Variants in GPR39 observed in about 807,000 individuals in gnomAD.
GPR39 encodes the protein zinc sensing receptor.
A neutral mutation model predicts 18.4 loss-of-function variants in GPR39; 23 were observed. The ratio of observed to expected loss-of-function variants is 1.25; its 90% CI spans 0.90 to 1.77. GPR39 has a LOEUF of 1.77. Among genes scored for constraint, GPR39 ranks in the 40% most tolerant of loss-of-function variants. The pLI is 0.00. For synonymous variants in GPR39, 280 were observed against 257.9 expected (o/e 1.09, Z -0.82); for missense variants, 647 against 602.4 (o/e 1.07, Z -0.78).
chr2:132,434,405 T>C (rs1163147500), intron 1 of GPR39, among the ~76,000 whole-genome samples: 1 of 152,214 alleles, frequency 6.6e-6, no homozygotes, highest in Non-Finnish European at 1.5e-5. Flanking sequence ...GTTATGTTGA[T>C]GCTTTGTCCT....
chr2:132,621,642 G>A (rs1681444618), intron 1 of GPR39, among the ~76,000 whole-genome samples: 1 of 152,156 alleles, frequency 6.6e-6, no homozygotes, highest in African/African-American at 2.4e-5. Flanking sequence ...AGGGACAGCT[G>A]GGGTGCCACA....
chr2:132,421,084 T>G (rs1679999804), intron 1 of GPR39, among the ~76,000 whole-genome samples: 1 of 152,204 alleles, frequency 6.6e-6, no homozygotes, highest in South Asian at 2.1e-4. Flanking sequence ...TTTCTGCCTC[T>G]TCTGGAGGAA....
At chr2:132,546,090 T>A (rs1013207394) in intron 1 of GPR39, among the ~76,000 whole-genome samples, 1 of 152,230 alleles carries the variant, frequency 6.6e-6, no homozygotes, top group Non-Finnish European at 1.5e-5. Context: ...TCAGCATTAA[T>A]GAGACTTAGC....
chr2:132,493,488 CATAT>C lies in GPR39; in HGVS notation c.856+75600_856+75603del, dbSNP rs540786857. Among the ~76,000 whole-genome samples, 7 of 117,478 alleles carry C rather than the reference CATAT, an allele frequency of 6.0e-5. No individual in the cohort carries two copies. The East Asian group carries it at 1.7e-3, about 29-fold the overall frequency. 77.1% of individuals were successfully genotyped at this position (117,478 alleles called of 152,430 possible). On this transcript the variant is annotated intron_variant, in intron 1 of 1. Coordinates refer to ENST00000329321, the MANE Select transcript of GPR39 (RefSeq NM_001508.3). ...ATATACACCATATATATATATACACCATATATATATATACACCATATATATATAT... is the reference window on the plus strand; with the variant it reads ...ATATACACCATATATATATATACACCATATATATACACCATATATATATAT...
intron 1 of GPR39, among the ~76,000 whole-genome samples, chr2:132,591,512 T>G (rs1378057439): frequency 6.6e-6 from 1 of 152,142 alleles, no homozygotes; most frequent in Non-Finnish European, 1.5e-5. Context: ...TCCTTGCTCC[T>G]CAGCTTGCAG....
intron 1 of GPR39, among the ~76,000 whole-genome samples, chr2:132,568,539 C>T (rs911913931): frequency 4.6e-5 from 7 of 151,948 alleles, no homozygotes; most frequent in Admixed American, 1.3e-4. Context: ...AACCCTGTCT[C>T]TATTAAAAAT....
intron 1 of GPR39, among the ~76,000 whole-genome samples, chr2:132,562,480 A>G (rs897853053): frequency 6.6e-6 from 1 of 152,092 alleles, no homozygotes; most frequent in Non-Finnish European, 1.5e-5. Flanking sequence ...ACCTCTCAGG[A>G]TTTCTTACGG....
intron 1 of GPR39, among the ~76,000 whole-genome samples, chr2:132,610,769 T>A (rs1681223621): frequency 9.0e-6 from 1 of 110,888 alleles, no homozygotes; most frequent in African/African-American, 4.2e-5. Context: ...AGAGCGAGAC[T>A]CTGTCTCCAA....
At chr2:132,427,513 T>C (rs1322269459) in intron 1 of GPR39, among the ~76,000 whole-genome samples, 1 of 150,616 alleles carries the variant, frequency 6.6e-6, no homozygotes, top group African/African-American at 2.4e-5. Flanking sequence ...ATGTTATATA[T>C]TGTATGAGTA....
At chr2:132,493,439 A>G (rs1048733613) in intron 1 of GPR39, among the ~76,000 whole-genome samples, 6 of 146,426 alleles carry the variant, frequency 4.1e-5, no homozygotes, top group East Asian at 2.0e-4. Flanking sequence ...ATATACACAC[A>G]CCATATATAT....
At chr2:132,548,395 C>T (rs972232705) in intron 1 of GPR39, among the ~76,000 whole-genome samples, 18 of 152,274 alleles carry the variant, frequency 1.2e-4, no homozygotes, top group East Asian at 1.9e-4. Flanking sequence ...GCTATTTGCT[C>T]CCAGCACTAA....
Position 132,417,126 on chromosome 2 carries a change from G to T in GPR39, c.84G>T (p.Trp28Cys), listed in dbSNP as rs201335880. 134 of 1,614,132 alleles carry T rather than the reference G, an allele frequency of 8.3e-5. No homozygotes were observed. The East Asian group carries it at 2.9e-3, about 35-fold the overall frequency. Residue 28 changes from tryptophan to cysteine, a missense_variant, in exon 1 of 2, where the codon TGG (tryptophan) becomes TGT (cysteine). Transcript: ENST00000329321. ...SHVPEFEVAT[W>C]IKITLILVYL... ...TCCCCGAGTTTGAGGTGGCCACCTG[G>T]ATCAAAATCACCCTTATTCTGGTGT...
intron 1 of GPR39, among the ~76,000 whole-genome samples, chr2:132,582,399 C>G (rs1414860667): frequency 1.3e-5 from 2 of 152,198 alleles, no homozygotes. Flanking sequence ...TGCAATGTGC[C>G]TTTCAGGCAG....
chr2:132,568,581 C>A (rs1233254262), intron 1 of GPR39, among the ~76,000 whole-genome samples: 1 of 151,960 alleles, frequency 6.6e-6, no homozygotes, highest in Non-Finnish European at 1.5e-5. Flanking sequence ...TGGTGGGCAC[C>A]TGTAATCCCA....
Position 132,460,199 on chromosome 2 carries a change from C to T in GPR39, c.856+42301C>T, listed in dbSNP as rs549288213. Among the ~76,000 whole-genome samples the T allele has an allele frequency of 5.9e-5, 9 of 152,278 alleles. No individual in the cohort carries two copies. In the South Asian group the frequency reaches 1.2e-3, roughly 21 times the overall value. ...ACTCCTAAAGATCCCTGGTTTAGTC[C>T]GATGCCTGTGTTTTAGCTGTAGAAA... is the stretch of plus-strand genomic sequence containing the variant. On this transcript the variant is annotated intron_variant, in intron 1 of 1. Transcript: ENST00000329321.
At chr2:132,450,269 G>C (rs184384941) in intron 1 of GPR39, among the ~76,000 whole-genome samples, 21 of 152,182 alleles carry the variant, frequency 1.4e-4, no homozygotes, top group Non-Finnish European at 2.9e-4. Flanking sequence ...CACCACTGCT[G>C]ATCAGCATAG....
At chr2:132,497,764 C>T (rs1414199350) in intron 1 of GPR39, among the ~76,000 whole-genome samples, 2 of 152,140 alleles carry the variant, frequency 1.3e-5, no homozygotes, top group African/African-American at 4.8e-5. Context: ...AATCTTAGCC[C>T]ATGCATTTGG....
chr2:132,584,819 G>A (rs994821551), intron 1 of GPR39, among the ~76,000 whole-genome samples: 1 of 152,192 alleles, frequency 6.6e-6, no homozygotes, highest in Non-Finnish European at 1.5e-5. Context: ...CCCCCAAACT[G>A]GAATAAGCCT....
At chr2:132,507,659 C>T (rs991700172) in intron 1 of GPR39, among the ~76,000 whole-genome samples, 1 of 152,184 alleles carries the variant, frequency 6.6e-6, no homozygotes, top group Non-Finnish European at 1.5e-5. Flanking sequence ...TCCCAGATAT[C>T]AGCTGCAAGC....
Sources: allele counts gnomAD v4.1 joint callset (sites outside exome capture counted in the v4.1 genomes callset), GRCh38; gene constraint gnomAD v4.1.1; transcripts MANE v1.5; gene names NCBI Gene and HGNC (gene_info 2026-07-23, HGNC 2026-07-21).